The following CFAP99 variants were observed in gnomAD, a reference collection of about 807,000 sequenced individuals.
CFAP99 encodes the protein cilia and flagella associated protein 99.
In CFAP99, 84 loss-of-function variants were observed where a neutral mutation model predicts 82.7. The observed-to-expected ratio is 1.02, with a 90% CI of 0.85 to 1.22. The LOEUF (loss-of-function observed/expected upper bound fraction) is 1.22. Ranked by LOEUF, CFAP99 falls within the 50% of genes most tolerant of loss-of-function variation. CFAP99 has a pLI of 0.00. For synonymous variants in CFAP99, 456 were observed against 429.5 expected, an observed-to-expected ratio of 1.06 and a Z score of -0.76; for missense variants, 1,059 against 983.5, an observed-to-expected ratio of 1.08 and a Z score of -1.03.
intron 11 of CFAP99, among the ~76,000 whole-genome samples, chr4:2,456,177 T>C (rs1734428377): frequency 6.6e-6 from 1 of 152,092 alleles, no homozygotes; most frequent in African/African-American, 2.4e-5. Flanking sequence ...TTTCAACAGT[T>C]ACCAGGTTTT....
intron 11 of CFAP99, among the ~76,000 whole-genome samples, chr4:2,453,830 T>G (rs931039617): frequency 5.3e-5 from 8 of 151,840 alleles, no homozygotes; most frequent in Non-Finnish European, 1.0e-4. Context: ...TTTTTTTTTT[T>G]TAAGATGGAA....
chr4:2,441,188 C>A (rs1010183712), intron 4 of CFAP99, among the ~76,000 whole-genome samples: 1 of 151,626 alleles, frequency 6.6e-6, no homozygotes, highest in East Asian at 1.9e-4. Context: ...CTGACCAACA[C>A]GGTGAAACCC....
At position 2,449,963 on chromosome 4, in the gene CFAP99, A is replaced by G. The variant is rs548485987; in HGVS notation, c.753A>G (p.Glu251=). 2.8e-5 allele frequency: 43 copies of G among 1,536,166 alleles called. 1 individual carries two copies. The East Asian group carries it at 9.3e-4, about 33-fold the overall frequency. ...TGCTGCTGAGGGCAAACATCGAGGA[A>G]CTGCGCTGCGCCATGCCCAGGTCCT... The change falls in exon 8 of 15, where the codon GAA becomes GAG. Residue 251 remains glutamate, a synonymous_variant. Coordinates refer to ENST00000635017, the Ensembl canonical transcript of CFAP99.
intron 2 of CFAP99, among the ~76,000 whole-genome samples, chr4:2,430,806 C>T (rs879351591): frequency 6.6e-6 from 1 of 152,180 alleles, no homozygotes; most frequent in Admixed American, 6.5e-5. Flanking sequence ...GGCATGGTGG[C>T]TCATGCCTGT....
Position 2,448,525 on chromosome 4 carries a change from G to A in CFAP99, c.643-1145G>A, listed in dbSNP as rs758131002. ...TTATCTCAGACAAAGGAGATAAGAC[G>A]TGTTGGAGCGGTTGTGATTCTGGAT... On this transcript the variant is annotated intron_variant, in intron 6 of 14. Transcript: ENST00000635017. This position sits in a 1 kb window ranked among gnomAD's most constrained non-coding sequence, Gnocchi z 5.2. Among the ~76,000 whole-genome samples, 1 of 152,254 alleles carries A rather than the reference G, an allele frequency of 6.6e-6. No homozygotes were observed. The highest frequency in any genetic ancestry group is 2.4e-5 in the African/African-American group (1 of 41,462).
chr4:2,419,628 A>T (rs764382294), intron 1 of CFAP99, among the ~76,000 whole-genome samples: 1 of 152,178 alleles, frequency 6.6e-6, no homozygotes, highest in Non-Finnish European at 1.5e-5. Context: ...AGAATTGAGA[A>T]GTCTGACCTG....
chr4:2,452,936 G>T (rs1734339011), intron 11 of CFAP99, among the ~76,000 whole-genome samples: 1 of 152,038 alleles, frequency 6.6e-6, no homozygotes, highest in South Asian at 2.1e-4. Context: ...GGTGGTGCGT[G>T]CCCGTAGTGC....
intron 3 of CFAP99, among the ~76,000 whole-genome samples, chr4:2,437,778 A>G (rs1261191813): frequency 6.6e-6 from 1 of 152,258 alleles, no homozygotes; most frequent in Non-Finnish European, 1.5e-5. Context: ...TCAGCTGCTC[A>G]GAAATTGACA....
chr4:2,441,793 G>T (rs1348340201), intron 4 of CFAP99, among the ~76,000 whole-genome samples: 1 of 152,216 alleles, frequency 6.6e-6, no homozygotes, highest in Non-Finnish European at 1.5e-5. Context: ...AAGAAGGGGA[G>T]CAAGCTACTG....
At chr4:2,440,483 G>A (rs1432442225) in intron 4 of CFAP99, among the ~76,000 whole-genome samples, 1 of 148,664 alleles carries the variant, frequency 6.7e-6, no homozygotes, top group Non-Finnish European at 1.5e-5. Context: ...GGGGCATGGT[G>A]CCTCACGCCT....
chr4:2,441,964 T>C (rs1322673282), intron 4 of CFAP99, among the ~76,000 whole-genome samples: 1 of 152,162 alleles, frequency 6.6e-6, no homozygotes, highest in Non-Finnish European at 1.5e-5. Flanking sequence ...AGGGGGCTGA[T>C]GGCCCCACAG....
chr4:2,456,233 A>T (rs1734429932), intron 11 of CFAP99, among the ~76,000 whole-genome samples: 1 of 151,730 alleles, frequency 6.6e-6, no homozygotes, highest in Non-Finnish European at 1.5e-5. Flanking sequence ...CGGTTTTGCC[A>T]TGTTGGCCAG....
At chr4:2,442,471 A>G (rs1177493325) in intron 4 of CFAP99, among the ~76,000 whole-genome samples, 2 of 151,904 alleles carry the variant, frequency 1.3e-5, no homozygotes, top group Non-Finnish European at 2.9e-5. Context: ...CACCCTGGGG[A>G]GGCACAGCAG....
intron 2 of CFAP99, among the ~76,000 whole-genome samples, chr4:2,429,677 C>T (rs192169957): frequency 0.028 from 4,322 of 151,932 alleles, 218 homozygotes; most frequent in African/African-American, 0.098. Context: ...CTGCAAGCTC[C>T]GCCTCCTGGG....
chr4:2,432,573 C>G (rs1471267706), intron 2 of CFAP99, among the ~76,000 whole-genome samples: 1 of 152,146 alleles, frequency 6.6e-6, no homozygotes, highest in East Asian at 1.9e-4. Context: ...CCACACCCCT[C>G]CCCCAACCTG....
chr4:2,420,194 G>T (rs531066371), intron 1 of CFAP99, among the ~76,000 whole-genome samples: 8 of 151,910 alleles, frequency 5.3e-5, no homozygotes, highest in Non-Finnish European at 7.4e-5. Flanking sequence ...TGGAGACCCT[G>T]GACTCAGTCC....
chr4:2,427,983 G>T (rs1264138238), intron 2 of CFAP99: 1 of 152,424 alleles, frequency 6.6e-6, no homozygotes, highest in Non-Finnish European at 1.5e-5. Flanking sequence ...TGTGTGCAGA[G>T]CTGCAGGCCT....
At chr4:2,431,899 A>G (rs1390774407) in intron 2 of CFAP99, among the ~76,000 whole-genome samples, 1 of 152,096 alleles carries the variant, frequency 6.6e-6, no homozygotes. Flanking sequence ...TGTATTTATA[A>G]TCATCGTTTC....
intron 4 of CFAP99, among the ~76,000 whole-genome samples, chr4:2,440,149 C>CTTTTTTTTTTTTTTTTTTTTT (rs1253819268): frequency 1.9e-5 from 2 of 104,030 alleles, no homozygotes; most frequent in Admixed American, 9.8e-5. Context: ...GCTTGACATT[C>CTTTTTTTTTTTTTTTTTTTTT]TTTTTTTTTT....
Sources: gnomAD v4.1 joint callset for allele counts (sites outside exome capture counted in the v4.1 genomes callset) on GRCh38, gnomAD v4.1.1 for gene constraint, Gnocchi (gnomAD v3.1) non-coding constraint, MANE v1.5 for transcripts, NCBI Gene and HGNC (gene_info 2026-07-23, HGNC 2026-07-21) for gene names.